The following FREM1 variants were observed in gnomAD, a reference collection of about 807,000 sequenced individuals.
FREM1 encodes FRAS1-related extracellular matrix protein 1.
A neutral mutation model predicts 210.1 loss-of-function variants in FREM1; 220 were observed. The observed-to-expected ratio is 1.05, with a 90% CI of 0.94 to 1.17. FREM1 has a LOEUF of 1.17. FREM1 is among the 50% of genes most tolerant of loss of function. The pLI, the probability that FREM1 is intolerant of heterozygous loss-of-function variation, is 0.00. For missense variants in FREM1, 3,454 were observed against 2,675.5 expected, an observed-to-expected ratio of 1.29 and a Z score of -6.42; for synonymous variants, 1,189 against 980.2, an observed-to-expected ratio of 1.21 and a Z score of -3.98.
intron 6 of FREM1, among the ~76,000 whole-genome samples, chr9:14,849,725 A>G (rs1827327038): frequency 6.6e-6 from 1 of 152,240 alleles, no homozygotes; most frequent in African/African-American, 2.4e-5. Flanking sequence ...CTTCCAGTCC[A>G]CACAACCTGA....
At chr9:14,787,435 A>G (rs1489577815) in intron 23 of FREM1, among the ~76,000 whole-genome samples, 1 of 152,214 alleles carries the variant, frequency 6.6e-6, no homozygotes, top group Non-Finnish European at 1.5e-5. Context: ...ATTGCAGCAG[A>G]GTCTGGCAAC....
chr9:14,751,896 G>C (rs1055607662), intron 29 of FREM1: 1 of 151,506 alleles, frequency 6.6e-6, no homozygotes, highest in South Asian at 2.1e-4. Flanking sequence ...GGAATAAATA[G>C]ATTTTATTCA....
rs1231042066 is a variant in FREM1 at position 14,841,562 on chromosome 9, C to G, written c.1766G>C (p.Arg589Thr). Residue 589 changes from arginine (R) to threonine (T), a missense_variant, in exon 10 of 37, where the codon AGG becomes ACG. Physicochemically the swap from Arg to Thr is moderately conservative, Grantham distance 71 (BLOSUM62 -1). Coordinates refer to ENST00000380880, the MANE Select transcript of FREM1 (RefSeq NM_001379081.2). Reference sequence around the variant, plus strand: ...ATAAATGATTCCATTAAACAAATCCCTCTGAAGGAAGCCATGGACAGGATA... The same window carrying G: ...ATAAATGATTCCATTAAACAAATCCGTCTGAAGGAAGCCATGGACAGGATA... The part of the protein sequence containing the change: ...IGYPVHGFLQ[R>T]DLFNGIIYYR... 3 of 1,609,898 alleles carry G rather than the reference C, an allele frequency of 1.9e-6. No homozygotes were observed. Among genetic ancestry groups the G allele is most frequent in the Non-Finnish European group, 2.5e-6 (3 of 1,177,012 alleles).
chr9:14,796,946 T>C (rs1852520439), intron 21 of FREM1, among the ~76,000 whole-genome samples: 2 of 152,218 alleles, frequency 1.3e-5, no homozygotes, highest in Admixed American at 1.3e-4. Flanking sequence ...GCTCAGAATT[T>C]TAGAAAATGA....
At chr9:14,845,798 G>A (rs1229710860) in intron 8 of FREM1, among the ~76,000 whole-genome samples, 162 bp downstream of exon 8, 1 of 152,196 alleles carries the variant, frequency 6.6e-6, no homozygotes, top group Non-Finnish European at 1.5e-5. Flanking sequence ...CTGAGCATTT[G>A]AACACAAAAG....
intron 28 of FREM1, among the ~76,000 whole-genome samples, chr9:14,757,688 T>G (rs1385021099): frequency 3.9e-5 from 6 of 152,230 alleles, no homozygotes; most frequent in African/African-American, 1.4e-4. Context: ...ATAATATATT[T>G]CTGTACCTTC....
At chr9:14,907,104 G>C (rs1189132626) in intron 1 of FREM1, among the ~76,000 whole-genome samples, 5 of 152,160 alleles carry the variant, frequency 3.3e-5, no homozygotes, top group Admixed American at 2.6e-4. Flanking sequence ...ACCCATGAGA[G>C]GCAAAGAACA....
chr9:14,877,440 G>GTTTTTTTTTTTTTT (rs77894511), intron 1 of FREM1, among the ~76,000 whole-genome samples: 1 of 145,440 alleles, frequency 6.9e-6, no homozygotes. Flanking sequence ...AAATCTTGTT[G>GTTTTTTTTTTTTTT]TTTCTTTATG....
chr9:14,798,129 G>A (rs984056806), intron 20 of FREM1, among the ~76,000 whole-genome samples: 1 of 151,970 alleles, frequency 6.6e-6, no homozygotes, highest in African/African-American at 2.4e-5. Context: ...AACAAAATTG[G>A]AAGCCTAACA....
At chr9:14,901,847 T>C (rs913849001) in intron 1 of FREM1, among the ~76,000 whole-genome samples, 1 of 152,082 alleles carries the variant, frequency 6.6e-6, no homozygotes, top group Non-Finnish European at 1.5e-5. Flanking sequence ...GTTGTGAAGA[T>C]AGTTTTTATG....
chr9:14,764,186 C>T (rs1349673696), intron 27 of FREM1, among the ~76,000 whole-genome samples: 3 of 152,214 alleles, frequency 2.0e-5, no homozygotes, highest in African/African-American at 7.2e-5. Context: ...TTGCCTGCCA[C>T]CATGTAAGAC....
At chr9:14,750,768 T>C (rs1843215228) in intron 29 of FREM1, among the ~76,000 whole-genome samples, 1 of 152,160 alleles carries the variant, frequency 6.6e-6, no homozygotes, top group Non-Finnish European at 1.5e-5. Context: ...CTTCCCCACT[T>C]CCTGAGATCT....
intron 2 of FREM1, 113 bp downstream of exon 2, chr9:14,868,631 G>A (rs1232887394): frequency 1.1e-5 from 8 of 699,220 alleles, no homozygotes; most frequent in East Asian, 8.2e-5. Context: ...TCTAATACTC[G>A]TCTTTGATGG....
rs190983711 is a variant in FREM1, at chr9:14,775,260, G to A, written c.4857+529C>T. Among the ~76,000 whole-genome samples, 6 of 152,272 alleles carry A rather than the reference G, an allele frequency of 3.9e-5. No homozygotes were observed. In the East Asian group the frequency reaches 9.6e-4, roughly 24 times the overall value. ...AGCTAGGTCTGTCTGACTCCAAAGC[G>A]TGTGGCTTTTGCTCCTTTCTGTGCT... On this transcript the variant is annotated intron_variant, in intron 25 of 36. Coordinates refer to ENST00000380880, the MANE Select transcript of FREM1 (RefSeq NM_001379081.2).
chr9:14,901,548 A>AG (rs1366383068), intron 1 of FREM1, among the ~76,000 whole-genome samples: 1 of 151,574 alleles, frequency 6.6e-6, no homozygotes, highest in Non-Finnish European at 1.5e-5. Flanking sequence ...CAATTTTTTG[A>AG]GGGGAAAAAG....
chr9:14,751,553 A>G (rs1194179954), intron 29 of FREM1, among the ~76,000 whole-genome samples: 1 of 151,962 alleles, frequency 6.6e-6, no homozygotes, highest in Admixed American at 6.6e-5. Context: ...TCAACCACTC[A>G]GGAGGCTGAG....
chr9:14,845,973 C>A lies in FREM1; in HGVS notation c.1380G>T (p.Trp460Cys). ...LVTVGGLQHG[W>C]LTLRGGKGFL... ...TGGATCATTCACCTCTTAAAGTCAG[C>A]CATCCATGCTGCAGGCCACCAACGG... Residue 460 changes from tryptophan (W) to cysteine (C), a missense_variant, in exon 8 of 37, where the codon TGG becomes TGT. Transcript: ENST00000380880. 6.2e-7 allele frequency: 1 copy of A among 1,613,298 alleles called. No homozygotes were observed. Among genetic ancestry groups the A allele is most frequent in the Non-Finnish European group, 8.5e-7 (1 of 1,179,528 alleles).
chr9:14,860,875 G>GTATATATATGTA (rs1491245202), intron 3 of FREM1, among the ~76,000 whole-genome samples: 2 of 30,740 alleles, frequency 6.5e-5, no homozygotes, highest in African/African-American at 1.9e-4. Flanking sequence ...ATATATATAC[G>GTATATATATGTA]TATATATACA....
rs1830595344 is a variant in FREM1, at chr9:14,861,550, A to AGGCTGGAG, written c.330-2074_330-2067dup. On this transcript the variant is annotated intron_variant, in intron 3 of 36. Coordinates refer to ENST00000380880, the MANE Select transcript of FREM1 (RefSeq NM_001379081.2). ...GAGACAGAGTCTCACTCTGTTGCCC[A>AGGCTGGAG]GGCTGGAGTGCAGTGCTGTAATCTC... Among the ~76,000 whole-genome samples the AGGCTGGAG allele has an allele frequency of 3.2e-5, 4 of 126,952 alleles. No homozygotes were observed. In the Admixed American group the frequency reaches 4.0e-4, roughly 13 times the overall value. 83.3% of individuals were successfully genotyped at this position (126,952 alleles called of 152,430 possible).
Sources: allele counts gnomAD v4.1 joint callset (sites outside exome capture counted in the v4.1 genomes callset), GRCh38; gene constraint gnomAD v4.1.1; transcripts MANE v1.5; gene names NCBI Gene and HGNC (gene_info 2026-07-23, HGNC 2026-07-21).